Variants in PTPRD observed in about 807,000 individuals in gnomAD.
PTPRD encodes protein tyrosine phosphatase receptor type D, also known as receptor-type tyrosine-protein phosphatase delta.
In PTPRD, 34 loss-of-function variants were observed where a neutral mutation model predicts 214.5. That is an observed-to-expected ratio of 0.16 (90% CI 0.12 to 0.21). The LOEUF is 0.21. PTPRD is among the 10% of genes least tolerant of loss of function. The pLI, the probability that PTPRD is intolerant of heterozygous loss-of-function variation, is 1.00. For missense variants in PTPRD, 2,545 were observed against 2,398.7 expected (o/e 1.06, Z -1.27); for synonymous variants, 1,128 against 845.7 (o/e 1.33, Z -5.79).
chr9:9,724,174 T>C (rs1211731244), intron 7 of PTPRD, among the ~76,000 whole-genome samples: 1 of 152,192 alleles, frequency 6.6e-6, no homozygotes, highest in African/African-American at 2.4e-5. Flanking sequence ...CTTTAGAAAA[T>C]GTGAATTGTA....
chr9:8,474,612 C>A (rs931879406), intron 30 of PTPRD, among the ~76,000 whole-genome samples: 2 of 152,178 alleles, frequency 1.3e-5, no homozygotes, highest in Admixed American at 1.3e-4. Flanking sequence ...TATCTAGTTT[C>A]CTAATAACTG....
At chr9:9,610,770 G>A (rs1263322778) in intron 7 of PTPRD, among the ~76,000 whole-genome samples, 1 of 151,988 alleles carries the variant, frequency 6.6e-6, no homozygotes, top group Non-Finnish European at 1.5e-5. Flanking sequence ...TCTCATTGTA[G>A]GTGATTGGAG....
intron 30 of PTPRD, among the ~76,000 whole-genome samples, chr9:8,473,813 T>C (rs1482609467): frequency 2.0e-5 from 3 of 152,136 alleles, no homozygotes; most frequent in Non-Finnish European, 2.9e-5. Flanking sequence ...TCCACAACCT[T>C]TTTTCTCCGC....
chr9:10,111,077 G>C (rs895135439), intron 3 of PTPRD, among the ~76,000 whole-genome samples: 4 of 151,996 alleles, frequency 2.6e-5, no homozygotes, highest in African/African-American at 7.3e-5. Flanking sequence ...TTGAGTTCCT[G>C]TGCCACTTTT....
intron 5 of PTPRD, among the ~76,000 whole-genome samples, chr9:9,825,526 T>C (rs563848219): frequency 4.6e-5 from 7 of 152,032 alleles, no homozygotes; most frequent in Admixed American, 2.6e-4. Flanking sequence ...TCAGTGCATA[T>C]AGACACTGCA....
intron 10 of PTPRD, among the ~76,000 whole-genome samples, chr9:9,074,593 T>A (rs887832942): frequency 1.3e-5 from 2 of 152,072 alleles, no homozygotes; most frequent in African/African-American, 4.8e-5. Flanking sequence ...CATATTTTAT[T>A]ATATATATAA....
chr9:10,165,049 A>C (rs550007121), intron 3 of PTPRD, among the ~76,000 whole-genome samples: 2 of 151,684 alleles, frequency 1.3e-5, no homozygotes, highest in African/African-American at 4.8e-5. Flanking sequence ...TTTAATTAGA[A>C]GATGTAGGAA....
intron 14 of PTPRD, among the ~76,000 whole-genome samples, chr9:8,580,490 T>C (rs947724894): frequency 1.3e-5 from 2 of 152,228 alleles, no homozygotes; most frequent in African/African-American, 4.8e-5. Flanking sequence ...CAGACCCTGA[T>C]GGACTTTTTA....
chr9:10,220,925 A>G (rs952493621), intron 3 of PTPRD, among the ~76,000 whole-genome samples: 1 of 151,904 alleles, frequency 6.6e-6, no homozygotes, highest in Non-Finnish European at 1.5e-5. Context: ...GAAATGGACA[A>G]AAAATAAATA....
At chr9:10,512,951 G>T (rs1353763799) in intron 2 of PTPRD, among the ~76,000 whole-genome samples, 1 of 151,988 alleles carries the variant, frequency 6.6e-6, no homozygotes, top group Non-Finnish European at 1.5e-5. Flanking sequence ...CTTATCATGA[G>T]ATCTAGGATA....
intron 5 of PTPRD, among the ~76,000 whole-genome samples, chr9:9,811,160 T>C (rs1304308274): frequency 6.6e-6 from 1 of 151,962 alleles, no homozygotes; most frequent in African/African-American, 2.4e-5. Context: ...GCCGAGATTG[T>C]GACATAGTAC....
intron 8 of PTPRD, among the ~76,000 whole-genome samples, chr9:9,402,044 G>A (rs1333110): frequency 0.88 from 133,386 of 152,090 alleles, 58,638 homozygotes; most frequent in African/African-American, 0.91. Flanking sequence ...TGAGTTCTTC[G>A]TGTTTATTAC....
rs567862612 is a variant in PTPRD, at chr9:10,369,106, T to C, written c.-599-28089A>G. ...TAAAAAAATTGTGCTAAATTTGAAG[T>C]CAAAAGATGTATAGACTAGTTCTTG... is the stretch of plus-strand genomic sequence containing the variant. On this transcript the variant is annotated intron_variant, in intron 2 of 45. Transcript: ENST00000381196. Among the ~76,000 whole-genome samples, 9 of 152,162 alleles carry C rather than the reference T, an allele frequency of 5.9e-5. No homozygotes were observed. The East Asian group carries it at 1.7e-3, about 29-fold the overall frequency.
At chr9:10,374,311 G>T (rs1308428686) in intron 2 of PTPRD, among the ~76,000 whole-genome samples, 1 of 151,996 alleles carries the variant, frequency 6.6e-6, no homozygotes, top group Non-Finnish European at 1.5e-5. Flanking sequence ...AATTATAATT[G>T]TATTTGATTT....
At chr9:8,490,437 G>C (rs1302311674) in intron 27 of PTPRD, among the ~76,000 whole-genome samples, 1 of 152,084 alleles carries the variant, frequency 6.6e-6, no homozygotes, top group African/African-American at 2.4e-5. Flanking sequence ...TAGTACCAAC[G>C]CAACAACAAT....
chr9:10,509,561 A>ATT (rs1364961673), intron 2 of PTPRD, among the ~76,000 whole-genome samples: 1,833 of 36,742 alleles, frequency 0.05, 33 homozygotes, highest in Non-Finnish European at 0.12. Context: ...TAAATATTAT[A>ATT]TATATATATA....
At chr9:10,106,266 T>A (rs1383699220) in intron 3 of PTPRD, among the ~76,000 whole-genome samples, 1 of 152,044 alleles carries the variant, frequency 6.6e-6, no homozygotes, top group East Asian at 1.9e-4. Context: ...CTCCTAGAAA[T>A]GACATTTTGA....
intron 8 of PTPRD, among the ~76,000 whole-genome samples, chr9:9,444,426 C>A (rs1175680876): frequency 6.6e-6 from 1 of 152,018 alleles, no homozygotes; most frequent in Admixed American, 6.6e-5. Flanking sequence ...ATTCTCAGAC[C>A]CAAAGGACTA....
In PTPRD at chr9:9,656,865, A is replaced by G. The variant is rs2096528046; in HGVS notation, c.-287+77668T>C. On this transcript the variant is annotated intron_variant, in intron 7 of 45. Transcript: ENST00000381196. ...TGGGAAAGGTTGTAGGTGAATAGGA[A>G]AAGATATATATATATATATACATAG... Among the ~76,000 whole-genome samples the G allele has an allele frequency of 5.3e-5, 8 of 151,842 alleles. 1 individual carries two copies. In the South Asian group the frequency reaches 1.7e-3, roughly 31 times the overall value.
Sources: gnomAD v4.1 joint callset for allele counts (sites outside exome capture counted in the v4.1 genomes callset) on GRCh38, gnomAD v4.1.1 for gene constraint, MANE v1.5 for transcripts, NCBI Gene and HGNC (gene_info 2026-07-23, HGNC 2026-07-21) for gene names.